The following LARGE1 variants were observed in gnomAD, a reference collection of about 807,000 sequenced individuals.
LARGE1 encodes the protein LARGE xylosyl- and glucuronyltransferase 1.
Under a neutral mutation model 87.6 loss-of-function variants are expected in LARGE1, and 43 were observed. That is an observed-to-expected ratio of 0.49 (90% CI 0.38 to 0.63). The LOEUF (loss-of-function observed/expected upper bound fraction) is 0.63. Among genes scored for constraint, LARGE1 ranks in the 30% least tolerant of loss-of-function variants. LARGE1 has a pLI of 0.00. For synonymous variants in LARGE1, 434 were observed against 394.6 expected (o/e 1.10, Z -1.18); for missense variants, 802 against 1,000.2 (o/e 0.80, Z 2.67).
chr22:33,309,698 C>A (rs130249), intron 11 of LARGE1, among the ~76,000 whole-genome samples: 1 of 152,064 alleles, frequency 6.6e-6, no homozygotes, highest in African/African-American at 2.4e-5. Context: ...AAGGATCTGG[C>A]GTTGTGAAAA....
chr22:33,074,412 C>T, the LARGE1 span, among the ~76,000 whole-genome samples: 14 of 152,262 alleles, frequency 9.2e-5, no homozygotes, highest in Admixed American at 6.5e-4. Context: ...TGGTGGCTCA[C>T]GCCTGTAATC....
At chr22:33,441,942 A>G (rs1465008924) in intron 6 of LARGE1, among the ~76,000 whole-genome samples, 1 of 152,084 alleles carries the variant, frequency 6.6e-6, no homozygotes, top group East Asian at 1.9e-4. Context: ...CAGTTTCTTG[A>G]TGAAGCACCT....
intron 5 of LARGE1, among the ~76,000 whole-genome samples, chr22:33,582,458 A>G (rs1030385435): frequency 2.0e-5 from 3 of 152,212 alleles, no homozygotes; most frequent in African/African-American, 7.2e-5. Flanking sequence ...AAGAAAAGTG[A>G]CAACTCTTTA....
At chr22:33,897,522 C>T (rs1201039625) in intron 1 of LARGE1, among the ~76,000 whole-genome samples, 4 of 152,210 alleles carry the variant, frequency 2.6e-5, no homozygotes, top group East Asian at 1.9e-4. Flanking sequence ...GGCAGCATGA[C>T]GGGAATACGC....
rs752560976 is a variant in LARGE1 at position 33,761,432 on chromosome 22, C to T, written c.45G>A (p.Ser15=). 24 of 1,613,894 alleles carry T rather than the reference C, an allele frequency of 1.5e-5. No individual in the cohort carries two copies. Among genetic ancestry groups the T allele is most frequent in the Middle Eastern group, 1.6e-4 (1 of 6,084 alleles). The change falls in exon 2 of 15, where the codon TCG becomes TCA. Residue 15 remains serine (S), a synonymous_variant. Coordinates refer to ENST00000397394, the MANE Select transcript of LARGE1 (RefSeq NM_133642.5). ...TGGCTGGGATGCAGAGAAGACTCAA[C>T]GAGGCAGCCAAGAATTTCCGTCTCC... ...CRGRRKFLAA[S]LSLLCIPAIT...
chr22:33,674,447 T>G (rs2081505924), intron 2 of LARGE1, among the ~76,000 whole-genome samples: 1 of 152,206 alleles, frequency 6.6e-6, no homozygotes, highest in Non-Finnish European at 1.5e-5. Context: ...GCGGGAGCTG[T>G]TCAAAATGCC....
chr22:33,511,912 T>C, intron 6 of LARGE1, among the ~76,000 whole-genome samples: 1 of 152,220 alleles, frequency 6.6e-6, no homozygotes, highest in Admixed American at 6.5e-5. Flanking sequence ...GATGGGACTG[T>C]AGCATATCTT....
intron 11 of LARGE1, among the ~76,000 whole-genome samples, chr22:33,184,898 T>C (rs1175252374): frequency 6.6e-6 from 1 of 152,106 alleles, no homozygotes; most frequent in Non-Finnish European, 1.5e-5. Context: ...ATCGAAAACA[T>C]TAACCATATC....
At chr22:33,578,495 G>C (rs1281028012) in intron 5 of LARGE1, among the ~76,000 whole-genome samples, 1 of 152,072 alleles carries the variant, frequency 6.6e-6, no homozygotes, top group Non-Finnish European at 1.5e-5. Flanking sequence ...CATTAAATGG[G>C]AGAAAATATT....
chr22:33,369,935 T>TA lies in LARGE1; in HGVS notation c.1131+11983dup, dbSNP rs76332142. ...GTGCTTATGGCATTCTAGCCAAGAT[T>TA]AAAAAAAAAAAAAAGTCTTAAAGGG... On this transcript the variant is annotated intron_variant, in intron 9 of 14. Coordinates refer to ENST00000397394, the MANE Select transcript of LARGE1 (RefSeq NM_133642.5). 1.8e-3 allele frequency among the ~76,000 whole-genome samples: 259 copies of TA among 143,074 alleles called. 1 individual carries two copies. The highest frequency in any genetic ancestry group is 6.1e-4 in the East Asian group (3 of 4,942). The allele number at this position is 143,074 out of a possible 152,430, so 93.9% of individuals were successfully genotyped here.
chr22:33,504,974 C>G (rs1368521705), intron 6 of LARGE1, among the ~76,000 whole-genome samples: 2 of 152,230 alleles, frequency 1.3e-5, no homozygotes, highest in Non-Finnish European at 2.9e-5. Context: ...AAGGTGACAA[C>G]CTCCAGGTGG....
intron 2 of LARGE1, among the ~76,000 whole-genome samples, chr22:33,685,524 T>A (rs984775170): frequency 6.6e-6 from 1 of 152,234 alleles, no homozygotes; most frequent in Admixed American, 6.5e-5. Flanking sequence ...ACTGTGGTTT[T>A]GTTAAAATGC....
chr22:33,791,724 G>A (rs1482136968), intron 1 of LARGE1, among the ~76,000 whole-genome samples: 1 of 152,152 alleles, frequency 6.6e-6, no homozygotes, highest in Non-Finnish European at 1.5e-5. Flanking sequence ...CATTATGGAA[G>A]CCAAGCCAAA....
chr22:33,405,062 G>A (rs192298159), intron 7 of LARGE1, among the ~76,000 whole-genome samples: 82 of 152,278 alleles, frequency 5.4e-4, no homozygotes, highest in Non-Finnish European at 9.4e-4. Context: ...TCATGGGACC[G>A]TCCTAAGCTC....
chr22:33,150,516 C>T, the LARGE1 span, among the ~76,000 whole-genome samples: 1 of 152,128 alleles, frequency 6.6e-6, no homozygotes, highest in African/African-American at 2.4e-5. Flanking sequence ...TTAATCCCTT[C>T]TACAAAGTTA....
chr22:33,320,384 C>T (rs1936594045), intron 10 of LARGE1, among the ~76,000 whole-genome samples: 1 of 152,224 alleles, frequency 6.6e-6, no homozygotes, highest in Non-Finnish European at 1.5e-5. Flanking sequence ...CAGATGGCAC[C>T]TGCTCTGTGA....
chr22:33,920,827 C>CCGCCGCGGGCAGCCGGG (rs1218902516), upstream of LARGE1, among the ~76,000 whole-genome samples: 119 of 145,036 alleles, frequency 8.2e-4, 1 homozygote, highest in Middle Eastern at 0.011. Flanking sequence ...GCCGCTGCAG[C>CCGCCGCGGGCAGCCGGG]CGCCGCGGGC....
At chr22:33,077,459 T>A in the LARGE1 span, among the ~76,000 whole-genome samples, 2 of 152,180 alleles carry the variant, frequency 1.3e-5, no homozygotes, top group East Asian at 3.8e-4. Context: ...TTTTACTGCT[T>A]CTTAATATTT....
At chr22:33,503,124 G>T (rs1041122422) in intron 6 of LARGE1, among the ~76,000 whole-genome samples, 20 of 152,170 alleles carry the variant, frequency 1.3e-4, no homozygotes, top group Non-Finnish European at 2.5e-4. Flanking sequence ...TAGAATAAAA[G>T]GGATGTGGGA....
Sources: gnomAD v4.1 joint callset for allele counts (sites outside exome capture counted in the v4.1 genomes callset) on GRCh38, gnomAD v4.1.1 for gene constraint, MANE v1.5 for transcripts, NCBI Gene and HGNC (gene_info 2026-07-23, HGNC 2026-07-21) for gene names.